The following LRRC4C variants were observed in gnomAD, a reference collection of about 807,000 sequenced individuals.
The protein encoded by LRRC4C is leucine-rich repeat-containing protein 4C.
In LRRC4C, 5 loss-of-function variants were observed where a neutral mutation model predicts 33.6. That is an observed-to-expected ratio of 0.15 (90% CI 0.08 to 0.31). The LOEUF (loss-of-function observed/expected upper bound fraction) is 0.31, where lower values mean the gene tolerates loss of function less well. LRRC4C is among the 10% of genes least tolerant of loss of function. The pLI, the probability that LRRC4C is intolerant of heterozygous loss-of-function variation, is 1.00. For synonymous variants in LRRC4C, 329 were observed against 302.0 expected, an observed-to-expected ratio of 1.09 and a Z score of -0.93; for missense variants, 560 against 796.7, an observed-to-expected ratio of 0.70 and a Z score of 3.58.
intron 3 of LRRC4C, among the ~76,000 whole-genome samples, chr11:40,532,256 A>G (rs1956299768): frequency 6.6e-6 from 1 of 151,732 alleles, no homozygotes; most frequent in South Asian, 2.1e-4. Flanking sequence ...GATTTACAAA[A>G]TTCATAACCT....
chr11:40,575,983 A>G (rs571427616), intron 3 of LRRC4C, among the ~76,000 whole-genome samples: 2 of 152,332 alleles, frequency 1.3e-5, no homozygotes, highest in East Asian at 3.9e-4. Flanking sequence ...CCAACACTAA[A>G]GACAAGTCAC....
At chr11:41,076,032 T>C (rs1939127123) in intron 1 of LRRC4C, among the ~76,000 whole-genome samples, 1 of 152,186 alleles carries the variant, frequency 6.6e-6, no homozygotes, top group Non-Finnish European at 1.5e-5. Flanking sequence ...TAAAGTGCCT[T>C]CTGTATTAGC....
intron 2 of LRRC4C, among the ~76,000 whole-genome samples, chr11:40,817,519 GC>G (rs1193297122): frequency 6.6e-6 from 1 of 152,140 alleles, no homozygotes; most frequent in African/African-American, 2.4e-5. Context: ...TGCAAGGGTT[GC>G]ATGGTTTAGT....
chr11:41,253,565 G>A (rs537641310), intron 1 of LRRC4C, among the ~76,000 whole-genome samples: 18 of 152,170 alleles, frequency 1.2e-4, no homozygotes, highest in African/African-American at 4.3e-4. Flanking sequence ...AGGGAATAAA[G>A]AGAACTGGTT....
chr11:40,866,102 A>G (rs61886581), intron 2 of LRRC4C, among the ~76,000 whole-genome samples: 34,324 of 150,634 alleles, frequency 0.23, 5,234 homozygotes, highest in African/African-American at 0.43. Flanking sequence ...TGATCTTTAT[A>G]TAGAACAGAC....
In LRRC4C at chr11:40,804,306, C is replaced by A. The variant is rs200993275; in HGVS notation, c.-407+129329G>T. On this transcript the variant is annotated intron_variant, in intron 2 of 6. Transcript: ENST00000528697. The stretch of plus-strand genomic sequence containing the variant: ...CTCATTCTTACCCTAAATTAAAATG[C>A]AAAAATATTCACTAGAATAAGAAAT... Among the ~76,000 whole-genome samples the A allele has an allele frequency of 2.0e-5, 3 of 152,080 alleles. No homozygotes were observed. The East Asian group carries it at 5.8e-4, about 29-fold the overall frequency.
chr11:41,133,056 G>A (rs1318566873), intron 1 of LRRC4C, among the ~76,000 whole-genome samples: 1 of 152,066 alleles, frequency 6.6e-6, no homozygotes, highest in East Asian at 1.9e-4. Flanking sequence ...GGTAGCGAGG[G>A]CCTGAAATAC....
intron 1 of LRRC4C, among the ~76,000 whole-genome samples, chr11:41,457,494 G>C (rs1956206642): frequency 6.6e-6 from 1 of 152,074 alleles, no homozygotes. Context: ...CCTTACAACA[G>C]AAACTTCGTG....
At chr11:41,284,525 G>A (rs1456184334) in intron 1 of LRRC4C, among the ~76,000 whole-genome samples, 1 of 152,128 alleles carries the variant, frequency 6.6e-6, no homozygotes, top group African/African-American at 2.4e-5. Context: ...TACACATATT[G>A]CTAATTACCA....
At chr11:40,258,068 T>C (rs1250728653) in intron 4 of LRRC4C, among the ~76,000 whole-genome samples, 1 of 152,302 alleles carries the variant, frequency 6.6e-6, no homozygotes, top group African/African-American at 2.4e-5. Context: ...ATTACAGCAA[T>C]GTGCCTATCT....
chr11:40,655,351 G>C (rs995069294), intron 2 of LRRC4C, among the ~76,000 whole-genome samples: 1 of 152,208 alleles, frequency 6.6e-6, no homozygotes, highest in Non-Finnish European at 1.5e-5. Context: ...GTGGCTGATT[G>C]AAGTAAACTC....
chr11:40,744,052 A>G (rs777666799), intron 2 of LRRC4C, among the ~76,000 whole-genome samples: 3 of 152,076 alleles, frequency 2.0e-5, no homozygotes, highest in Non-Finnish European at 4.4e-5. Flanking sequence ...ATTTATTTAG[A>G]TTCTTATGTA....
intron 5 of LRRC4C, among the ~76,000 whole-genome samples, chr11:40,200,180 TAAAAAAAAAAA>T (rs56269292): frequency 1.9e-4 from 5 of 26,046 alleles, no homozygotes; most frequent in Non-Finnish European, 2.8e-4. Flanking sequence ...CTGTCTCCAC[TAAAAAAAAAAA>T]AAAAAAAAAA....
chr11:40,571,087 T>C (rs1293043541), intron 3 of LRRC4C, among the ~76,000 whole-genome samples: 1 of 151,874 alleles, frequency 6.6e-6, no homozygotes, highest in African/African-American at 2.4e-5. Flanking sequence ...AGCTAAAGAG[T>C]TTTATGAATA....
chr11:41,336,679 G>A (rs1951465131), intron 1 of LRRC4C, among the ~76,000 whole-genome samples: 1 of 152,154 alleles, frequency 6.6e-6, no homozygotes, highest in African/African-American at 2.4e-5. Flanking sequence ...CTTCATTTAA[G>A]GGAAGTGAAA....
intron 3 of LRRC4C, among the ~76,000 whole-genome samples, chr11:40,634,529 T>G (rs12224164): frequency 0.19 from 29,097 of 152,000 alleles, 2,972 homozygotes; most frequent in African/African-American, 0.26. Context: ...TTGGTAAGTC[T>G]GACAACTAAG....
rs199992895 is a variant in LRRC4C, at chr11:41,015,840, G to GA, written c.-495-82118dup. Among the ~76,000 whole-genome samples, 694 of 150,622 alleles carry GA rather than the reference G, an allele frequency of 4.6e-3. 3 individuals are homozygous for GA. The highest frequency in any genetic ancestry group is 8.1e-3 in the Non-Finnish European group (546 of 67,570). The stretch of plus-strand genomic sequence containing the variant: ...TGGAGTATCTCTCCTTTAAAAACAA[G>GA]AAAAAAAAAATTTATCCGGGCGTGG... On this transcript the variant is annotated intron_variant, in intron 1 of 6. Transcript: ENST00000528697.
At chr11:41,256,510 G>T (rs1948805337) in intron 1 of LRRC4C, among the ~76,000 whole-genome samples, 1 of 151,832 alleles carries the variant, frequency 6.6e-6, no homozygotes, top group African/African-American at 2.4e-5. Context: ...TACTGAGTTA[G>T]AAATCCAAAA....
At chr11:40,596,511 G>A (rs1029531523) in intron 3 of LRRC4C, among the ~76,000 whole-genome samples, 10 of 150,708 alleles carry the variant, frequency 6.6e-5, no homozygotes, top group African/African-American at 1.5e-4. Context: ...ATTGTTAACC[G>A]TAATCATCCT....
Sources: allele counts gnomAD v4.1 joint callset (sites outside exome capture counted in the v4.1 genomes callset), GRCh38; gene constraint gnomAD v4.1.1; transcripts MANE v1.5; gene names NCBI Gene and HGNC (gene_info 2026-07-23, HGNC 2026-07-21).